TENT4B: variants seen among roughly 807,000 people sequenced by gnomAD.
TENT4B encodes the protein terminal nucleotidyltransferase 4B.
In TENT4B, 10 loss-of-function variants were observed where a neutral mutation model predicts 75.0. The observed-to-expected ratio is 0.13, with a 90% CI of 0.08 to 0.23. The LOEUF (loss-of-function observed/expected upper bound fraction) is 0.23. Ranked by LOEUF, TENT4B falls within the 10% of genes least tolerant of loss-of-function variation. The probability of loss-of-function intolerance (pLI) is 1.00; values close to 1 mark genes in which losing one functional copy is unlikely to be tolerated. For missense variants in TENT4B, 579 were observed against 893.8 expected (o/e 0.65, Z 4.49); for synonymous variants, 350 against 357.7 (o/e 0.98, Z 0.24).
chr16:50,212,605 T>A (rs1402250892), intron 2 of TENT4B, among the ~76,000 whole-genome samples: 1 of 152,174 alleles, frequency 6.6e-6, no homozygotes. Flanking sequence ...TATATGACAC[T>A]GTAGGTAAAG....
chr16:50,162,769 A>G (rs1227386368), intron 1 of TENT4B, among the ~76,000 whole-genome samples: 1 of 152,184 alleles, frequency 6.6e-6, no homozygotes, highest in Non-Finnish European at 1.5e-5. Flanking sequence ...AGTTACTAGC[A>G]TGAAGTAGAT....
chr16:50,230,770 A>C lies in TENT4B; in HGVS notation c.*1442A>C. 1.0e-6 allele frequency: 1 copy of C among 985,770 alleles called. No individual in the cohort carries two copies. The allele number at this position is 985,770 out of a possible 1,614,324, so 61.1% of individuals were successfully genotyped here. A position where few individuals can be genotyped will look rare whatever the true frequency, so the allele number is the denominator to read the frequency against. On this transcript the variant is annotated 3_prime_UTR_variant, in exon 12 of 12. Coordinates refer to ENST00000561678, the MANE Select transcript of TENT4B (RefSeq NM_001365324.3). ...ATAATTCTGTTATCATTACCTGTTG[A>C]GTTTGAAACTCAGTTGGGAATATTT...
Position 50,153,547 on chromosome 16 carries a change from C to T in TENT4B, c.-75C>T. 2 of 972,232 alleles carry T rather than the reference C, an allele frequency of 2.1e-6. No homozygotes were observed. The highest frequency in any genetic ancestry group is 2.4e-6 in the Non-Finnish European group (2 of 825,614). The allele number at this position is 972,232 out of a possible 1,614,324, so 60.2% of individuals were successfully genotyped here. A position where few individuals can be genotyped will look rare whatever the true frequency, so the allele number is the denominator to read the frequency against. ...AGCAGCAGCAGCAGCCGAGGCCGGG[C>T]GTGCGCCTGAGGCGGCGGCGGCGGC... is the stretch of plus-strand genomic sequence containing the variant. On this transcript the variant is annotated 5_prime_UTR_variant, in exon 1 of 12. Coordinates refer to ENST00000561678, the MANE Select transcript of TENT4B (RefSeq NM_001365324.3).
intron 1 of TENT4B, among the ~76,000 whole-genome samples, chr16:50,176,831 G>A (rs1191435466): frequency 6.6e-6 from 1 of 151,870 alleles, no homozygotes; most frequent in Non-Finnish European, 1.5e-5. Flanking sequence ...TATATTGTTA[G>A]ATTCAGTTTG....
intron 5 of TENT4B, among the ~76,000 whole-genome samples, chr16:50,220,338 C>T (rs947012956): frequency 1.0e-4 from 15 of 147,800 alleles, no homozygotes; most frequent in Admixed American, 3.4e-4. Context: ...TATGTGGCCA[C>T]TTTTTTTTTT....
rs1362737242 is a variant in TENT4B, at chr16:50,230,006, A to T, written c.*678A>T. 1 of 981,428 alleles carries T rather than the reference A, an allele frequency of 1.0e-6. No individual in the cohort carries two copies. Among genetic ancestry groups the T allele is most frequent in the Non-Finnish European group, 1.2e-6 (1 of 826,248 alleles). The allele number at this position is 981,428 out of a possible 1,614,324, so 60.8% of individuals were successfully genotyped here. A position where few individuals can be genotyped will look rare whatever the true frequency, so the allele number is the denominator to read the frequency against. ...AGGGAAGTGATTAGTTCTATTACTC[A>T]ATTTGTTTTTCTCAGCATTGAAATG... On this transcript the variant is annotated 3_prime_UTR_variant, in exon 12 of 12. Transcript: ENST00000561678.
At chr16:50,170,086 C>G (rs919866913) in intron 1 of TENT4B, among the ~76,000 whole-genome samples, 7 of 152,012 alleles carry the variant, frequency 4.6e-5, no homozygotes, top group Admixed American at 1.3e-4. Flanking sequence ...GAGTCTCACA[C>G]TGTCTCCCAG....
intron 1 of TENT4B, among the ~76,000 whole-genome samples, chr16:50,189,300 A>G (rs1400004536): frequency 6.6e-6 from 1 of 152,124 alleles, no homozygotes; most frequent in Non-Finnish European, 1.5e-5. Context: ...TAAATTCTCA[A>G]CTGAGTTGTC....
At chr16:50,164,889 CA>C (rs1450126359) in intron 1 of TENT4B, among the ~76,000 whole-genome samples, 160 of 141,744 alleles carry the variant, frequency 1.1e-3, no homozygotes, top group Admixed American at 1.1e-3. Flanking sequence ...CCGTCTCTAC[CA>C]AAAAAAAAAA....
chr16:50,221,633 A>G (rs1350714414), intron 5 of TENT4B, among the ~76,000 whole-genome samples: 1 of 152,240 alleles, frequency 6.6e-6, no homozygotes, highest in Non-Finnish European at 1.5e-5. Context: ...TCACTGATTT[A>G]GTGCTTTAAG....
chr16:50,173,839 G>A (rs1436751925), intron 1 of TENT4B, among the ~76,000 whole-genome samples: 2 of 151,676 alleles, frequency 1.3e-5, no homozygotes, highest in East Asian at 3.9e-4. Flanking sequence ...GATTACAGGC[G>A]CCCGCCACCA....
intron 1 of TENT4B, among the ~76,000 whole-genome samples, chr16:50,176,877 A>G (rs1477044868): frequency 1.3e-5 from 2 of 152,000 alleles, no homozygotes; most frequent in African/African-American, 2.4e-5. Flanking sequence ...ATCTGTGTTC[A>G]TGAGAGGTAT....
chr16:50,153,892 C>T lies in TENT4B; in HGVS notation c.271C>T (p.Leu91=). The T allele has an allele frequency of 6.6e-7, 1 of 1,519,168 alleles. No individual in the cohort carries two copies. Among genetic ancestry groups the T allele is most frequent in the Non-Finnish European group, 8.8e-7 (1 of 1,140,534 alleles). The allele number at this position is 1,519,168 out of a possible 1,614,324, so 94.1% of individuals were successfully genotyped here. A position where few individuals can be genotyped will look rare whatever the true frequency, so the allele number is the denominator to read the frequency against. The change falls in exon 1 of 12, where the codon CTG becomes TTG. Residue 91 remains leucine, a synonymous_variant. Coordinates refer to ENST00000561678, the MANE Select transcript of TENT4B (RefSeq NM_001365324.3). ...AGMYRSGERL[L]GSHALPAEQR... is the part of the protein sequence containing the mutation. ...CATGTATCGCTCCGGGGAGCGCCTGCTGGGCAGCCACGCGCTGCCCGCGGA... is the reference window on the plus strand; with the variant it reads ...CATGTATCGCTCCGGGGAGCGCCTGTTGGGCAGCCACGCGCTGCCCGCGGA...
At chr16:50,178,041 G>A (rs1198479324) in intron 1 of TENT4B, among the ~76,000 whole-genome samples, 1 of 150,614 alleles carries the variant, frequency 6.6e-6, no homozygotes. Context: ...TCTTTCTGCT[G>A]TTGATTTCTA....
At chr16:50,214,332 T>C in intron 3 of TENT4B, 65 bp downstream of exon 3, 1 of 1,299,634 alleles carries the variant, frequency 7.7e-7, no homozygotes, top group Non-Finnish European at 1.1e-6. Flanking sequence ...GCTGTCAAAT[T>C]TGTAAGGAGT....
intron 1 of TENT4B, among the ~76,000 whole-genome samples, chr16:50,203,962 T>C (rs929372829): frequency 6.6e-6 from 1 of 152,226 alleles, no homozygotes; most frequent in Non-Finnish European, 1.5e-5. Context: ...ATTCTGCCTC[T>C]GGGAATTTTA....
At chr16:50,167,385 G>GTTT (rs34758987) in intron 1 of TENT4B, among the ~76,000 whole-genome samples, 8,851 of 141,606 alleles carry the variant, frequency 0.063, 422 homozygotes, top group African/African-American at 0.13. Flanking sequence ...CATGCTGTGG[G>GTTT]TTTTTTTTTT....
rs551278817 is a variant in TENT4B at position 50,232,152 on chromosome 16, T to C, written c.*2824T>C. The C allele has an allele frequency of 2.0e-6, 2 of 985,430 alleles. No homozygotes were observed. The highest frequency in any genetic ancestry group is 2.3e-4 in the East Asian group (2 of 8,818). 61.0% of individuals were successfully genotyped at this position (985,430 alleles called of 1,614,324 possible). A position where few individuals can be genotyped will look rare whatever the true frequency, so the allele number is the denominator to read the frequency against. ...TGTCAGCACAAAATCTTACTGGTTATGTTTTGATGATAAAAGTATATCCAT... is the reference window on the plus strand; with the variant it reads ...TGTCAGCACAAAATCTTACTGGTTACGTTTTGATGATAAAAGTATATCCAT... On this transcript the variant is annotated 3_prime_UTR_variant, in exon 12 of 12. Coordinates refer to ENST00000561678, the MANE Select transcript of TENT4B (RefSeq NM_001365324.3).
chr16:50,211,401 G>A lies in TENT4B; in HGVS notation c.717G>A (p.Val239=). ...PEEEKMRMEV[V]NRIESVIKEL... ...AGGAGAAGATGCGGATGGAGGTGGT[G>A]AACAGGATCGAGAGTGTAATTAAGG... Residue 239 remains valine, a synonymous_variant, in exon 2 of 12, where the codon GTG becomes GTA. Transcript: ENST00000561678. The A allele has an allele frequency of 6.2e-7, 1 of 1,607,542 alleles. No homozygotes were observed. Among genetic ancestry groups the A allele is most frequent in the Non-Finnish European group, 8.5e-7 (1 of 1,178,358 alleles).
Sources: allele counts gnomAD v4.1 joint callset (sites outside exome capture counted in the v4.1 genomes callset), GRCh38; gene constraint gnomAD v4.1.1; transcripts MANE v1.5; gene names NCBI Gene and HGNC (gene_info 2026-07-23, HGNC 2026-07-21).